ANKRD40: variants seen among roughly 807,000 people sequenced by gnomAD.
ANKRD40 encodes ankyrin repeat domain-containing protein 40.
ANKRD40 carries 24 observed loss-of-function variants against 35.5 expected under a neutral mutation model. The observed-to-expected ratio is 0.68, with a 90% CI of 0.49 to 0.95. ANKRD40 has a LOEUF of 0.95. Ranked by LOEUF, ANKRD40 falls within the 40% of genes least tolerant of loss-of-function variation. The pLI is 0.00. For missense variants in ANKRD40, 361 were observed against 436.0 expected (o/e 0.83, Z 1.53); for synonymous variants, 147 against 173.5 (o/e 0.85, Z 1.20).
chr17:50,707,779 C>T lies in ANKRD40; in HGVS notation c.-125G>A, dbSNP rs1215768350. 1.9e-5 allele frequency: 12 copies of T among 620,286 alleles called. No homozygotes were observed. Among genetic ancestry groups the T allele is most frequent in the Non-Finnish European group, 2.5e-5 (12 of 484,192 alleles). 38.4% of individuals were successfully genotyped at this position (620,286 alleles called of 1,614,324 possible). ...GGAGGGAGCGCGGAACTCGCCCGCC[C>T]TGCTCGCGCCGCTGCCCGCGCCCGC... On this transcript the variant is annotated 5_prime_UTR_variant, in exon 1 of 5. Transcript: ENST00000285243. This position sits in a 1 kb window ranked among gnomAD's most constrained non-coding sequence, Gnocchi z 4.8.
At position 50,696,075 on chromosome 17, in the gene ANKRD40, A is replaced by T. The variant is rs772507550; in HGVS notation, c.1029T>A (p.Asn343Lys). 3.1e-6 allele frequency: 5 copies of T among 1,614,216 alleles called. 1 individual carries two copies. In the South Asian group the frequency reaches 4.4e-5, roughly 14 times the overall value. The change falls in exon 5 of 5, where the codon AAT becomes AAA. Residue 343 changes from asparagine to lysine, a missense_variant. Around this residue, in one of 5 missense-constraint regions of ANKRD40, gnomAD observed 93 missense variants for 129.6 expected, o/e 0.72. Coordinates refer to ENST00000285243, the MANE Select transcript of ANKRD40 (RefSeq NM_052855.4). ...TGGATGCAGCATTTCTGAACAGAAA[A>T]TTATTTTCACTTATCATCAGAACCA... ...LELVLMISEN[N>K]FLFRNAASTL...
Position 50,707,485 on chromosome 17 carries a change from T to G in ANKRD40, c.134+36A>C. On this transcript the variant is annotated intron_variant, in intron 1 of 4. Transcript: ENST00000285243. This position sits in a 1 kb window ranked among gnomAD's most constrained non-coding sequence, Gnocchi z 4.8. ...GACTGCCCCACGCCTTCCGACCGGC[T>G]GCCCTGACCCTAGGCCTCCCCCGCT... 1 of 1,590,448 alleles carries G rather than the reference T, an allele frequency of 6.3e-7. No homozygotes were observed. Among genetic ancestry groups the G allele is most frequent in the Non-Finnish European group, 8.6e-7 (1 of 1,168,706 alleles).
At chr17:50,706,986 T>TA in intron 1 of ANKRD40, among the ~76,000 whole-genome samples, 1 of 143,942 alleles carries the variant, frequency 6.9e-6, no homozygotes. Context: ...AACAGGCAAC[T>TA]ACAGGCAGCA....
In ANKRD40 at chr17:50,694,421, TTCTAATAAAATTA is replaced by T. The variant is rs1434738712; in HGVS notation, c.*1563_*1575del. 4 of 152,218 alleles carry T rather than the reference TTCTAATAAAATTA, an allele frequency of 2.6e-5. No homozygotes were observed. Among genetic ancestry groups the T allele is most frequent in the Non-Finnish European group, 5.9e-5 (4 of 68,030 alleles). 9.4% of individuals were successfully genotyped at this position (152,218 alleles called of 1,614,324 possible). A position where few individuals can be genotyped will look rare whatever the true frequency, so the allele number is the denominator to read the frequency against. ...TGCACGTTCTCACTCAACTGTAGTG[TTCTAATAAAATTA>T]AGTTAACACAGTTAGGAAGTTGAGT... is the stretch of plus-strand genomic sequence containing the variant. On this transcript the variant is annotated 3_prime_UTR_variant, in exon 5 of 5. Coordinates refer to ENST00000285243, the MANE Select transcript of ANKRD40 (RefSeq NM_052855.4).
At position 50,696,066 on chromosome 17, in the gene ANKRD40, G is replaced by A; in HGVS notation, c.1038C>T (p.Phe346=). The A allele has an allele frequency of 6.2e-7, 1 of 1,614,160 alleles. No individual in the cohort carries two copies. The highest frequency in any genetic ancestry group is 1.7e-5 in the Admixed American group (1 of 60,014). ...CAGTCAGTGTGGATGCAGCATTTCT[G>A]AACAGAAAATTATTTTCACTTATCA... ...VLMISENNFL[F]RNAASTLTER... is the part of the protein sequence containing the mutation. Residue 346 remains phenylalanine, a synonymous_variant, in exon 5 of 5, where the codon TTC becomes TTT. Coordinates refer to ENST00000285243, the MANE Select transcript of ANKRD40 (RefSeq NM_052855.4).
At position 50,699,900 on chromosome 17, in the gene ANKRD40, A is replaced by C. The variant is rs1479057191; in HGVS notation, c.284-7T>G. 2 of 1,501,950 alleles carry C rather than the reference A, an allele frequency of 1.3e-6. No homozygotes were observed. Among genetic ancestry groups the C allele is most frequent in the Non-Finnish European group, 1.8e-6 (2 of 1,126,568 alleles). The allele number at this position is 1,501,950 out of a possible 1,614,324, so 93.0% of individuals were successfully genotyped here. Reference sequence around the variant, plus strand: ...TCATCATCTTCTTCTTCCACTTAAAAAGAAGAAAACAGAACATTTACACAG... The same window carrying C: ...TCATCATCTTCTTCTTCCACTTAAACAGAAGAAAACAGAACATTTACACAG... On this transcript the variant is annotated splice_polypyrimidine_tract_variant and splice_region_variant and intron_variant, in intron 2 of 4. Transcript: ENST00000285243.
chr17:50,696,099 C>T lies in ANKRD40; in HGVS notation c.1005G>A (p.Leu335=). The stretch of plus-strand genomic sequence containing the variant: ...AATTATTTTCACTTATCATCAGAAC[C>T]AGTTCCAGCTCCTGGAAATCTTGGA... ...ARLQDFQELE[L]VLMISENNFL... is the part of the protein sequence containing the mutation. Residue 335 remains leucine (L), a synonymous_variant, in exon 5 of 5, where the codon CTG becomes CTA. Transcript: ENST00000285243. 6.2e-7 allele frequency: 1 copy of T among 1,614,190 alleles called. No homozygotes were observed. Among genetic ancestry groups the T allele is most frequent in the Non-Finnish European group, 8.5e-7 (1 of 1,180,036 alleles).
chr17:50,695,879 C>A lies in ANKRD40; in HGVS notation c.*118G>T, dbSNP rs912184939. The A allele has an allele frequency of 2.4e-5, 30 of 1,256,842 alleles. No homozygotes were observed. In the Admixed American group the frequency reaches 6.4e-4, roughly 27 times the overall value. 77.9% of individuals were successfully genotyped at this position (1,256,842 alleles called of 1,614,324 possible). A position where few individuals can be genotyped will look rare whatever the true frequency, so the allele number is the denominator to read the frequency against. ...CTTGGCAGAATGATGTTAGTATATA[C>A]TATGCAGTGGCACCAGAGGCCCTCC... On this transcript the variant is annotated 3_prime_UTR_variant, in exon 5 of 5. Coordinates refer to ENST00000285243, the MANE Select transcript of ANKRD40 (RefSeq NM_052855.4).
Position 50,699,489 on chromosome 17 carries a change from A to G in ANKRD40, c.688T>C (p.Ser230Pro). 6.2e-7 allele frequency: 1 copy of G among 1,614,160 alleles called. No homozygotes were observed. Among genetic ancestry groups the G allele is most frequent in the Non-Finnish European group, 8.5e-7 (1 of 1,180,024 alleles). Residue 230 changes from serine (S) to proline (P), a missense_variant, in exon 3 of 5, where the codon TCT (serine) becomes CCT (proline). Around this residue, in one of 5 missense-constraint regions of ANKRD40, gnomAD observed 172 missense variants for 174.0 expected, o/e 0.99. Transcript: ENST00000285243. ...FSSVPSKPPM[S>P]LEPQNGTYAG... ...TACGTCCCATTTTGAGGCTCCAGAG[A>G]CATTGGTGGCTTGGACGGGACAGAA...
intron 3 of ANKRD40, among the ~76,000 whole-genome samples, chr17:50,698,985 CAAAAAAAAA>C (rs5820829): frequency 3.7e-4 from 26 of 69,606 alleles, no homozygotes; most frequent in Admixed American, 2.0e-3. Context: ...ACTAAAAATA[CAAAAAAAAA>C]AAAAAAAAAA....
rs867781665 is a variant in ANKRD40, at chr17:50,702,664, C to T, written c.135-1948G>A. ...TAGTAGATCACTTGTTCGTGGCAAGCTTGAGAGTAAAGGAGGTAATTTACT... is the reference window on the plus strand; with the variant it reads ...TAGTAGATCACTTGTTCGTGGCAAGTTTGAGAGTAAAGGAGGTAATTTACT... On this transcript the variant is annotated intron_variant, in intron 1 of 4. Transcript: ENST00000285243. Among the ~76,000 whole-genome samples the T allele has an allele frequency of 2.6e-5, 4 of 152,110 alleles. No homozygotes were observed. In the South Asian group the frequency reaches 6.2e-4, roughly 24 times the overall value.
Position 50,703,830 on chromosome 17 carries a change from T to A in ANKRD40, c.135-3114A>T, listed in dbSNP as rs1968297619. On this transcript the variant is annotated intron_variant, in intron 1 of 4. Transcript: ENST00000285243. ...GAAATGATCTGACTTATGTTTTAAG[T>A]CAGGATCCCTCTGACCACTGTGTTA... 2.0e-5 allele frequency among the ~76,000 whole-genome samples: 3 copies of A among 152,052 alleles called. No individual in the cohort carries two copies. In the South Asian group the frequency reaches 6.2e-4, roughly 32 times the overall value.
At position 50,705,591 on chromosome 17, in the gene ANKRD40, C is replaced by T. The variant is rs562784626; in HGVS notation, c.134+1930G>A. 2.6e-4 allele frequency among the ~76,000 whole-genome samples: 40 copies of T among 152,034 alleles called. No individual in the cohort carries two copies. The South Asian group carries it at 7.7e-3, about 29-fold the overall frequency. On this transcript the variant is annotated intron_variant, in intron 1 of 4. Transcript: ENST00000285243. ...CTCAAACTTCTGGACTCCAGTGATC[C>T]TCCTGCCTTGGCCTCCCAAAGTGCT...
chr17:50,696,991 A>C lies in ANKRD40; in HGVS notation c.909T>G (p.Asn303Lys). 1 of 1,613,986 alleles carries C rather than the reference A, an allele frequency of 6.2e-7. No homozygotes were observed. Among genetic ancestry groups the C allele is most frequent in the Admixed American group, 1.7e-5 (1 of 59,996 alleles). The change falls in exon 4 of 5, where the codon AAT (asparagine) becomes AAG (lysine). Residue 303 changes from asparagine to lysine, a missense_variant. Coordinates refer to ENST00000285243, the MANE Select transcript of ANKRD40 (RefSeq NM_052855.4). Reference protein sequence around the residue: ...LRVCCCELGVNPDQVEKIRKL... With the variant: ...LRVCCCELGVKPDQVEKIRKL... ...TTCTGATCTTCTCCACTTGATCTGG[A>C]TTAACACCCAGCTCACAGCAACACA...
intron 3 of ANKRD40, 65 bp from the exon 4 acceptor site, chr17:50,697,186 T>A: frequency 7.0e-7 from 1 of 1,431,616 alleles, no homozygotes; most frequent in Non-Finnish European, 9.5e-7. Context: ...TTGTTTAAGA[T>A]CTTTTCCAGA....
At chr17:50,699,330 C>T in intron 3 of ANKRD40, 69 bp downstream of exon 3, 1 of 1,549,224 alleles carries the variant, frequency 6.5e-7, no homozygotes, top group Non-Finnish European at 8.7e-7. Flanking sequence ...CCCAGAATAC[C>T]TCATTAAATC....
Position 50,699,717 on chromosome 17 carries a change from A to C in ANKRD40, c.460T>G (p.Ser154Ala). Residue 154 changes from serine (S) to alanine (A), a missense_variant, in exon 3 of 5, where the codon TCA becomes GCA. Ser to Ala is a moderately conservative substitution (Grantham distance 99). Around this residue, in one of 5 missense-constraint regions of ANKRD40, gnomAD observed 172 missense variants for 174.0 expected, o/e 0.99. Transcript: ENST00000285243. ...GGAGGTGAGCCATCTGCAGGGGGTGATGCAGGGGGTGTGGAGGGGCCCCCA... is the reference window on the plus strand; with the variant it reads ...GGAGGTGAGCCATCTGCAGGGGGTGCTGCAGGGGGTGTGGAGGGGCCCCCA... Reference protein sequence around the residue: ...QNGGPSTPPASPPADGSPPLL... With the variant: ...QNGGPSTPPAAPPADGSPPLL... 6.2e-7 allele frequency: 1 copy of C among 1,613,436 alleles called. No homozygotes were observed. Among genetic ancestry groups the C allele is most frequent in the East Asian group, 2.2e-5 (1 of 44,862 alleles).
At position 50,699,870 on chromosome 17, in the gene ANKRD40, C is replaced by T; in HGVS notation, c.307G>A (p.Asp103Asn). 1 of 1,512,122 alleles carries T rather than the reference C, an allele frequency of 6.6e-7. No homozygotes were observed. 93.7% of individuals were successfully genotyped at this position (1,512,122 alleles called of 1,614,324 possible). Reference protein sequence around the residue: ...MGVEEEDDDDDDDDNLPQLKK... With the variant: ...MGVEEEDDDDNDDDNLPQLKK... ...AGCTGGGGGAGGTTGTCATCATCAT[C>T]ATCATCATCATCTTCTTCTTCCACT... The change falls in exon 3 of 5, where the codon GAT becomes AAT. Residue 103 changes from aspartate to asparagine, a missense_variant. Asp to Asn is a conservative substitution (Grantham distance 23). Coordinates refer to ENST00000285243, the MANE Select transcript of ANKRD40 (RefSeq NM_052855.4).
At chr17:50,703,510 C>G (rs62059753) in intron 1 of ANKRD40, among the ~76,000 whole-genome samples, 44,161 of 152,010 alleles carry the variant, frequency 0.29, 6,574 homozygotes, top group Middle Eastern at 0.35. Flanking sequence ...CCAGGAAAAG[C>G]CTTGCCAAGA....
Sources: allele counts gnomAD v4.1 joint callset (sites outside exome capture counted in the v4.1 genomes callset), GRCh38; gene constraint gnomAD v4.1.1; regional missense constraint gnomAD v4.1.1; non-coding constraint Gnocchi (gnomAD v3.1); transcripts MANE v1.5; gene names NCBI Gene and HGNC (gene_info 2026-07-23, HGNC 2026-07-21).